The following COL21A1 variants were observed in gnomAD, a reference collection of about 807,000 sequenced individuals.
COL21A1 encodes the protein collagen alpha-1(XXI) chain.
COL21A1 carries 149 observed loss-of-function variants against 137.9 expected under a neutral mutation model. The ratio of observed to expected loss-of-function variants is 1.08; its 90% CI spans 0.95 to 1.24. COL21A1 has a LOEUF of 1.24. Ranked by LOEUF, COL21A1 falls within the 50% of genes most tolerant of loss-of-function variation. The probability of loss-of-function intolerance (pLI) is 0.00; values close to 1 mark genes in which losing one functional copy is unlikely to be tolerated. For synonymous variants in COL21A1, 456 were observed against 391.5 expected (o/e 1.16, Z -1.95); for missense variants, 1,167 against 1,158.4 (o/e 1.01, Z -0.11).
chr6:56,226,174 A>G (rs1781177163), intron 1 of COL21A1, among the ~76,000 whole-genome samples: 1 of 152,170 alleles, frequency 6.6e-6, no homozygotes, highest in South Asian at 2.1e-4. Context: ...TCAGGGAGAA[A>G]AATAAGTGTA....
chr6:56,372,178 T>G (rs1422032626), intron 1 of COL21A1, among the ~76,000 whole-genome samples: 1 of 152,176 alleles, frequency 6.6e-6, no homozygotes, highest in East Asian at 1.9e-4. Context: ...TACAAATGGA[T>G]TCCTGTACAA....
At chr6:56,072,099 T>G (rs1766805431) in intron 20 of COL21A1, among the ~76,000 whole-genome samples, 1 of 151,622 alleles carries the variant, frequency 6.6e-6, no homozygotes, top group Non-Finnish European at 1.5e-5. Context: ...TGCATTAGAT[T>G]GCTGAGGATA....
At chr6:56,195,731 C>A (rs1411637187) in intron 1 of COL21A1, among the ~76,000 whole-genome samples, 1 of 152,010 alleles carries the variant, frequency 6.6e-6, no homozygotes, top group African/African-American at 2.4e-5. Flanking sequence ...GAGATTAAAT[C>A]AGTAAACAAA....
chr6:56,255,314 G>T (rs1321318528), intron 1 of COL21A1, among the ~76,000 whole-genome samples: 2 of 148,810 alleles, frequency 1.3e-5, no homozygotes, highest in Non-Finnish European at 1.5e-5. Flanking sequence ...ACCTTCTAGA[G>T]TGATCACTGT....
intron 1 of COL21A1, among the ~76,000 whole-genome samples, chr6:56,258,561 C>T (rs1763171834): frequency 6.6e-6 from 1 of 152,100 alleles, no homozygotes; most frequent in Non-Finnish European, 1.5e-5. Flanking sequence ...ATGCTGTCTG[C>T]TCTGCCCCTC....
chr6:56,275,011 C>T (rs1763609355), intron 1 of COL21A1, among the ~76,000 whole-genome samples: 1 of 152,042 alleles, frequency 6.6e-6, no homozygotes, highest in Admixed American at 6.6e-5. Context: ...GGCACAAAAA[C>T]AGTCACTTAG....
At chr6:56,375,559 T>A (rs1303031358) in intron 1 of COL21A1, among the ~76,000 whole-genome samples, 4 of 152,200 alleles carry the variant, frequency 2.6e-5, no homozygotes, top group Non-Finnish European at 5.9e-5. Context: ...GTGGGCACTC[T>A]CTGCTGTTCT....
chr6:56,083,397 CTTT>C (rs1767962242), intron 17 of COL21A1, among the ~76,000 whole-genome samples: 1 of 151,910 alleles, frequency 6.6e-6, no homozygotes, highest in South Asian at 2.1e-4. Flanking sequence ...TCAGTCACAT[CTTT>C]TTGCCCCATT....
chr6:56,238,416 C>T (rs1423191778), intron 1 of COL21A1, among the ~76,000 whole-genome samples: 6 of 137,318 alleles, frequency 4.4e-5, no homozygotes, highest in African/African-American at 1.4e-4. Context: ...TGCTGAAACT[C>T]GGGGCAGTCT....
chr6:56,063,964 T>A (rs1290592119), intron 24 of COL21A1, among the ~76,000 whole-genome samples: 2 of 152,068 alleles, frequency 1.3e-5, no homozygotes, highest in Non-Finnish European at 2.9e-5. Context: ...CCAATCTCCT[T>A]TATGCCTTTG....
At chr6:56,355,955 A>G (rs1352161549) in intron 1 of COL21A1, among the ~76,000 whole-genome samples, 1 of 152,230 alleles carries the variant, frequency 6.6e-6, no homozygotes, top group Non-Finnish European at 1.5e-5. Flanking sequence ...GAAGCTCCCA[A>G]AAAAGTGGAA....
intron 1 of COL21A1, among the ~76,000 whole-genome samples, chr6:56,190,990 C>T (rs1214709847): frequency 1.3e-5 from 2 of 152,172 alleles, no homozygotes; most frequent in East Asian, 1.9e-4. Flanking sequence ...AAACCCACAG[C>T]CAATATCATA....
chr6:56,312,104 G>A (rs897043533), intron 1 of COL21A1, among the ~76,000 whole-genome samples: 5 of 152,194 alleles, frequency 3.3e-5, no homozygotes, highest in Admixed American at 1.3e-4. Flanking sequence ...TGGAAGGAAA[G>A]GCAGTGACTA....
chr6:56,236,467 C>T (rs9296833), intron 1 of COL21A1, among the ~76,000 whole-genome samples: 86,364 of 151,748 alleles, frequency 0.57, 24,819 homozygotes, highest in East Asian at 0.77. Flanking sequence ...ATAAACAATA[C>T]TCATATCACG....
At chr6:56,112,753 C>T (rs1289453055) in intron 16 of COL21A1, among the ~76,000 whole-genome samples, 1 of 149,336 alleles carries the variant, frequency 6.7e-6, no homozygotes, top group South Asian at 2.1e-4. Flanking sequence ...GGCGTGATTC[C>T]GGCTCACTGC....
chr6:56,371,189 G>C (rs1192488848), intron 1 of COL21A1, among the ~76,000 whole-genome samples: 1 of 152,170 alleles, frequency 6.6e-6, no homozygotes, highest in Non-Finnish European at 1.5e-5. Context: ...TCAAGTTGCT[G>C]TTTGAAAAGT....
intron 1 of COL21A1, among the ~76,000 whole-genome samples, chr6:56,357,326 A>G (rs1024200444): frequency 6.6e-6 from 1 of 152,196 alleles, no homozygotes; most frequent in Non-Finnish European, 1.5e-5. Context: ...TGTATCTTAC[A>G]ATCTACAGCA....
chr6:56,180,795 G>A (rs1777834116), intron 2 of COL21A1, among the ~76,000 whole-genome samples: 1 of 152,172 alleles, frequency 6.6e-6, no homozygotes, highest in Non-Finnish European at 1.5e-5. Context: ...TATTATTGCT[G>A]CTTTAAGAAC....
intron 1 of COL21A1, among the ~76,000 whole-genome samples, chr6:56,262,260 CCTT>C (rs1473385413): frequency 6.6e-6 from 1 of 152,164 alleles, no homozygotes; most frequent in Non-Finnish European, 1.5e-5. Context: ...CTTAAATAAT[CCTT>C]CTTCTCTCAA....
Sources: allele counts gnomAD v4.1 joint callset (sites outside exome capture counted in the v4.1 genomes callset), GRCh38; gene constraint gnomAD v4.1.1; transcripts MANE v1.5; gene names NCBI Gene and HGNC (gene_info 2026-07-23, HGNC 2026-07-21).